The following RPS24 variants were observed in gnomAD, a reference collection of about 807,000 sequenced individuals.
RPS24 encodes the protein ribosomal protein S24.
For missense variants in RPS24, 100 were observed against 162.5 expected (o/e 0.62, Z 2.09); for synonymous variants, 72 against 55.6 (o/e 1.30, Z -1.31).
Position 78,054,449 on chromosome 10 carries a change from C to T in RPS24, c.391-82C>T, listed in dbSNP as rs1848130400. 5 of 1,286,420 alleles carry T rather than the reference C, an allele frequency of 3.9e-6. No homozygotes were observed. In the Admixed American group the frequency reaches 1.3e-4, roughly 34 times the overall value. The allele number at this position is 1,286,420 out of a possible 1,614,324, so 79.7% of individuals were successfully genotyped here. On this transcript the variant is annotated intron_variant, in intron 4 of 4. Transcript: ENST00000440692. ...TACCAAGTGAGGGAGGTGCAGAATC[C>T]CAGGCCACAGGCGCAGAACAGGGCG...
chr10:78,036,714 C>T (rs1456369644), intron 3 of RPS24, among the ~76,000 whole-genome samples: 1 of 152,154 alleles, frequency 6.6e-6, no homozygotes, highest in Non-Finnish European at 1.5e-5. Context: ...TGTAAAGATA[C>T]AGAAACAGTC....
At position 78,035,705 on chromosome 10, in the gene RPS24, A is replaced by G. The variant is rs1476221269; in HGVS notation, c.264A>G (p.Lys88=). 2.5e-6 allele frequency: 4 copies of G among 1,600,078 alleles called. No homozygotes were observed. Among genetic ancestry groups the G allele is most frequent in the Non-Finnish European group, 2.5e-6 (3 of 1,179,426 alleles). ...SLDYAKKNEP[K]HRLARHGLYE... Reference sequence around the variant, plus strand: ...ATTATGCAAAGAAAAATGAACCCAAACATAGACTTGCAAGAGTAGGTGTCT... The same window carrying G: ...ATTATGCAAAGAAAAATGAACCCAAGCATAGACTTGCAAGAGTAGGTGTCT... Residue 88 remains lysine (K), a synonymous_variant, in exon 3 of 6, where the codon AAA becomes AAG. Transcript: ENST00000372360.
At chr10:78,043,205 A>T (rs760312608), downstream of RPS24, among the ~76,000 whole-genome samples, 1 of 152,060 alleles carries the variant, frequency 6.6e-6, no homozygotes, top group African/African-American at 2.4e-5. Flanking sequence ...GGGTTTCACC[A>T]TGTTAGCCAG....
intron 4 of RPS24, among the ~76,000 whole-genome samples, chr10:78,053,921 CT>C (rs1223363703): frequency 6.6e-6 from 1 of 152,088 alleles, no homozygotes; most frequent in Non-Finnish European, 1.5e-5. Flanking sequence ...ATTTGCAGAG[CT>C]GGATGGTCTG....
chr10:78,039,949 C>G, intron 4 of RPS24: 1 of 565,622 alleles, frequency 1.8e-6, no homozygotes, highest in South Asian at 1.9e-5. Context: ...ATGATCTCTT[C>G]ATTGTGAAGT....
At chr10:78,054,924 A>G in exon 5 of RPS24, 1 of 1,519,918 alleles carries the variant, frequency 6.6e-7, no homozygotes, top group Non-Finnish European at 8.9e-7. Context: ...CCAGGCCATC[A>G]ACAAGTCTTT....
rs563629117 is a variant in RPS24, at chr10:78,046,646, C to T, written c.391-7885C>T. ...CTGGGATTACAGGCATGATCCACTG[C>T]ACCTGGCCTCATTTACCTGCACTCG... On this transcript the variant is annotated intron_variant, in intron 4 of 4. Coordinates refer to the RPS24 transcript ENST00000440692. Among the ~76,000 whole-genome samples, 296 of 152,254 alleles carry T rather than the reference C, an allele frequency of 1.9e-3. 1 individual carries two copies. Among genetic ancestry groups the T allele is most frequent in the African/African-American group, 5.7e-3 (237 of 41,540 alleles).
downstream of RPS24, chr10:78,040,774 C>A: frequency 1.9e-6 from 2 of 1,027,712 alleles, no homozygotes; most frequent in Non-Finnish European, 3.0e-6. Context: ...CAGTTGCTGT[C>A]CAAGTTCACA....
chr10:78,043,012 C>T (rs201900209), downstream of RPS24, among the ~76,000 whole-genome samples: 1 of 140,402 alleles, frequency 7.1e-6, no homozygotes, highest in Non-Finnish European at 1.6e-5. Flanking sequence ...CACATACACA[C>T]ATATTTTTTT....
At chr10:78,048,782 G>A (rs148100081) in intron 4 of RPS24, among the ~76,000 whole-genome samples, 4 of 148,624 alleles carry the variant, frequency 2.7e-5, no homozygotes, top group Non-Finnish European at 5.9e-5. Flanking sequence ...GGCTGAGGCA[G>A]AAGAATCGCT....
intron 4 of RPS24, 150 bp from the exon 5 acceptor site, chr10:78,040,054 G>A: frequency 1.3e-6 from 1 of 744,128 alleles, no homozygotes. Flanking sequence ...GGAGTGCTCT[G>A]TATACAATTG....
At chr10:78,046,208 G>A (rs1028026764) in intron 4 of RPS24, among the ~76,000 whole-genome samples, 4 of 152,046 alleles carry the variant, frequency 2.6e-5, no homozygotes, top group African/African-American at 9.7e-5. Context: ...TCTCTAATGG[G>A]AATACTGTCT....
chr10:78,034,133 T>C (rs1589325396), intron 1 of RPS24: 1 of 388,540 alleles, frequency 2.6e-6, no homozygotes, highest in South Asian at 2.1e-5. Context: ...GCCTGGGCAG[T>C]GCAGGAGCTG....
At position 78,035,681 on chromosome 10, in the gene RPS24, T is replaced by G. The variant is rs199598396; in HGVS notation, c.240T>G (p.Asp80Glu). The change falls in exon 3 of 6, where the codon GAT (aspartate) becomes GAG (glutamate). Residue 80 changes from aspartate (D) to glutamate (E), a missense_variant. Coordinates refer to ENST00000372360, the MANE Select transcript of RPS24 (RefSeq NM_033022.4). The part of the protein sequence containing the change: ...TGFGMIYDSL[D>E]YAKKNEPKHR... ...TTGGCATGATTTATGATTCCCTGGA[T>G]TATGCAAAGAAAAATGAACCCAAAC... 1.2e-6 allele frequency: 2 copies of G among 1,603,736 alleles called. No homozygotes were observed. The highest frequency in any genetic ancestry group is 1.7e-6 in the Non-Finnish European group (2 of 1,179,894).
chr10:78,035,249 T>C, intron 1 of RPS24, 103 bp from the exon 2 acceptor site: 1 of 1,156,088 alleles, frequency 8.6e-7, no homozygotes, highest in South Asian at 1.2e-5. Flanking sequence ...GCTACATGAC[T>C]AATGGCTACA....
At chr10:78,043,436 C>T (rs1848008486), downstream of RPS24, among the ~76,000 whole-genome samples, 1 of 152,180 alleles carries the variant, frequency 6.6e-6, no homozygotes, top group East Asian at 1.9e-4. Flanking sequence ...CATCTGACTC[C>T]AAAACACTGC....
chr10:78,042,994 C>T (rs934145113), downstream of RPS24, among the ~76,000 whole-genome samples: 19 of 117,636 alleles, frequency 1.6e-4, no homozygotes, highest in Non-Finnish European at 2.2e-4. Flanking sequence ...TTAATCTGCG[C>T]GCGCACACAC....
Position 78,035,674 on chromosome 10 carries a change from C to T in RPS24, c.233C>T (p.Ser78Phe). Residue 78 changes from serine to phenylalanine, a missense_variant, in exon 3 of 6, where the codon TCC (serine) becomes TTC (phenylalanine). Ser to Phe is a radical substitution (Grantham distance 155). Transcript: ENST00000372360. ...KTTGFGMIYD[S>F]LDYAKKNEPK... Reference sequence around the variant, plus strand: ...ACTGGCTTTGGCATGATTTATGATTCCCTGGATTATGCAAAGAAAAATGAA... The same window carrying T: ...ACTGGCTTTGGCATGATTTATGATTTCCTGGATTATGCAAAGAAAAATGAA... The T allele has an allele frequency of 1.9e-6, 3 of 1,604,766 alleles. No homozygotes were observed. Among genetic ancestry groups the T allele is most frequent in the Non-Finnish European group, 2.5e-6 (3 of 1,179,904 alleles).
intron 1 of RPS24, chr10:78,034,279 A>G: frequency 2.8e-6 from 1 of 351,890 alleles, no homozygotes; most frequent in South Asian, 3.9e-5. Flanking sequence ...GCAGTACAAG[A>G]GGTGAAGAAG....
Sources: allele counts gnomAD v4.1 joint callset (sites outside exome capture counted in the v4.1 genomes callset), GRCh38; gene constraint gnomAD v4.1.1; transcripts MANE v1.5; gene names NCBI Gene and HGNC (gene_info 2026-07-23, HGNC 2026-07-21).